TSPAN4: variants seen among roughly 807,000 people sequenced by gnomAD.
TSPAN4 encodes tetraspanin-4.
Under a neutral mutation model 31.5 loss-of-function variants are expected in TSPAN4, and 38 were observed. The observed-to-expected ratio is 1.21, with a 90% CI of 0.93 to 1.58. TSPAN4 has a LOEUF of 1.58. Ranked by LOEUF, TSPAN4 falls within the 40% of genes most tolerant of loss-of-function variation. The pLI is 0.00. For missense variants in TSPAN4, 330 were observed against 317.3 expected (o/e 1.04, Z -0.30); for synonymous variants, 186 against 144.6 (o/e 1.29, Z -2.06).
rs1847371722 is a variant in TSPAN4, at chr11:847,267, G to GCAC, written c.-49_-47dup. The GCAC allele has an allele frequency of 6.6e-6, 1 of 152,266 alleles. No homozygotes were observed. The highest frequency in any genetic ancestry group is 1.5e-5 in the Non-Finnish European group (1 of 68,062). 9.4% of individuals were successfully genotyped at this position (152,266 alleles called of 1,614,324 possible). A position where few individuals can be genotyped will look rare whatever the true frequency, so the allele number is the denominator to read the frequency against. ...ACTGGTCAGCCTTCAGGGACCCTGA[G>GCAC]CACCGCCTGGTCTCTTTCCTGTGGC... On this transcript the variant is annotated 5_prime_UTR_variant, in exon 2 of 9. Transcript: ENST00000397397.
rs760602661 is a variant in TSPAN4, at chr11:865,685, GC to G, written c.433-3del. The G allele has an allele frequency of 1.2e-6, 2 of 1,613,116 alleles. No individual in the cohort carries two copies. Among genetic ancestry groups the G allele is most frequent in the Non-Finnish European group, 8.5e-7 (1 of 1,179,872 alleles). ...TCCTGCCTCAGCCCGACCTGAGCTT[GC>G]CCCCCAGTTCCGCTGCTGTGGCGTC... is the stretch of plus-strand genomic sequence containing the variant. On this transcript the variant is annotated splice_polypyrimidine_tract_variant and splice_region_variant and intron_variant, in intron 6 of 8. Coordinates refer to ENST00000397397, the MANE Select transcript of TSPAN4 (RefSeq NM_003271.5).
In TSPAN4 at chr11:848,011, G is replaced by A. The variant is rs972648496; in HGVS notation, c.-18+711G>A. ...CTCCCAGTCAGCCTGGGGTCCTCCCGGGTCCCCGTGGCACCTGCCCTTGCC... is the reference window on the plus strand; with the variant it reads ...CTCCCAGTCAGCCTGGGGTCCTCCCAGGTCCCCGTGGCACCTGCCCTTGCC... On this transcript the variant is annotated intron_variant, in intron 2 of 8. Transcript: ENST00000397397. This position sits in a 1 kb window ranked among gnomAD's most constrained non-coding sequence, Gnocchi z 5.7. Among the ~76,000 whole-genome samples, 2 of 152,146 alleles carry A rather than the reference G, an allele frequency of 1.3e-5. No homozygotes were observed. Among genetic ancestry groups the A allele is most frequent in the African/African-American group, 2.4e-5 (1 of 41,428 alleles).
intron 3 of TSPAN4, among the ~76,000 whole-genome samples, chr11:856,548 C>T (rs918801897): frequency 1.3e-5 from 2 of 152,248 alleles, no homozygotes; most frequent in African/African-American, 4.8e-5. Flanking sequence ...GAGCTTGTGT[C>T]TGGCCTGCGG....
Position 865,686 on chromosome 11 carries a change from C to T in TSPAN4, c.433-8C>T, listed in dbSNP as rs772980318. ...CCTGCCTCAGCCCGACCTGAGCTTG[C>T]CCCCCAGTTCCGCTGCTGTGGCGTC... is the stretch of plus-strand genomic sequence containing the variant. On this transcript the variant is annotated splice_region_variant and splice_polypyrimidine_tract_variant and intron_variant, in intron 6 of 8. Coordinates refer to ENST00000397397, the MANE Select transcript of TSPAN4 (RefSeq NM_003271.5). 3 of 1,613,084 alleles carry T rather than the reference C, an allele frequency of 1.9e-6. No individual in the cohort carries two copies. Among genetic ancestry groups the T allele is most frequent in the South Asian group, 1.1e-5 (1 of 91,064 alleles).
At position 866,104 on chromosome 11, in the gene TSPAN4, G is replaced by A. The variant is rs568231528; in HGVS notation, c.648+103G>A. On this transcript the variant is annotated intron_variant, in intron 8 of 8. Coordinates refer to ENST00000397397, the MANE Select transcript of TSPAN4 (RefSeq NM_003271.5). ...ACCTTGCCCCCAGGAACCCACGATCGGGGGAGGCCGGGGCAAAAGCAGGAG... is the reference window on the plus strand; with the variant it reads ...ACCTTGCCCCCAGGAACCCACGATCAGGGGAGGCCGGGGCAAAAGCAGGAG... 1.6e-4 allele frequency: 200 copies of A among 1,252,308 alleles called. 1 individual carries two copies. The African/African-American group carries it at 2.3e-3, about 14-fold the overall frequency. The allele number at this position is 1,252,308 out of a possible 1,614,324, so 77.6% of individuals were successfully genotyped here.
At chr11:851,671 G>A (rs1426075594) in intron 3 of TSPAN4, among the ~76,000 whole-genome samples, 1 of 151,864 alleles carries the variant, frequency 6.6e-6, no homozygotes, top group Non-Finnish European at 1.5e-5. Context: ...CCTGAGGGGC[G>A]CCTTGGAGGT....
intron 3 of TSPAN4, among the ~76,000 whole-genome samples, chr11:854,574 A>G (rs1847943795): frequency 6.6e-6 from 1 of 152,148 alleles, no homozygotes; most frequent in Admixed American, 6.5e-5. Flanking sequence ...CCCAGCCTGG[A>G]GGGGCACGGG....
chr11:855,371 C>T lies in TSPAN4; in HGVS notation c.63+5004C>T, dbSNP rs558612884. On this transcript the variant is annotated intron_variant, in intron 3 of 8. Coordinates refer to ENST00000397397, the MANE Select transcript of TSPAN4 (RefSeq NM_003271.5). ...TGGTCCTGGCCTGATGACGGCAGGC[C>T]ACCTCCTTGCTGTTCCCACGCAGCC... Among the ~76,000 whole-genome samples, 121 of 152,340 alleles carry T rather than the reference C, an allele frequency of 7.9e-4. 1 individual carries two copies. The highest frequency in any genetic ancestry group is 3.1e-3 in the South Asian group (15 of 4,834).
intron 3 of TSPAN4, among the ~76,000 whole-genome samples, chr11:854,455 G>A (rs1459700533): frequency 6.6e-6 from 1 of 151,960 alleles, no homozygotes; most frequent in Non-Finnish European, 1.5e-5. Flanking sequence ...CCTGGCTCGG[G>A]GGTTGAATGG....
chr11:854,363 G>A (rs114434176), intron 3 of TSPAN4, among the ~76,000 whole-genome samples: 4 of 152,188 alleles, frequency 2.6e-5, no homozygotes, highest in East Asian at 1.9e-4. Context: ...GCGGGACGCC[G>A]GGCAGGTTCT....
intron 5 of TSPAN4, 157 bp from the exon 6 acceptor site, chr11:865,356 C>T (rs1848708620): frequency 8.0e-6 from 5 of 626,878 alleles, no homozygotes; most frequent in South Asian, 7.8e-5. Flanking sequence ...GCTGGGAGGA[C>T]ATGGGGCCGG....
At chr11:855,687 C>A (rs1848005926) in intron 3 of TSPAN4, among the ~76,000 whole-genome samples, 1 of 152,182 alleles carries the variant, frequency 6.6e-6, no homozygotes, top group Non-Finnish European at 1.5e-5. Flanking sequence ...CGCTCAGGGC[C>A]CACAGCTTTA....
At chr11:850,492 C>T (rs1399624226) in intron 3 of TSPAN4, 125 bp downstream of exon 3, 3 of 787,720 alleles carry the variant, frequency 3.8e-6, no homozygotes, top group African/African-American at 1.7e-5. Context: ...TGGGGATGGT[C>T]CCGGGAGGAC....
chr11:854,776 A>C (rs1009218051), intron 3 of TSPAN4, among the ~76,000 whole-genome samples: 2 of 152,150 alleles, frequency 1.3e-5, no homozygotes, highest in African/African-American at 2.4e-5. Context: ...CCCTGGGATG[A>C]GCTGAGACGA....
intron 2 of TSPAN4, among the ~76,000 whole-genome samples, chr11:849,200 C>T (rs776913609): frequency 3.3e-5 from 5 of 151,876 alleles, no homozygotes; most frequent in Non-Finnish European, 5.9e-5. Context: ...TGCCAGCCTC[C>T]TGCGGGGCTG....
intron 3 of TSPAN4, among the ~76,000 whole-genome samples, chr11:853,770 C>G (rs1847888016): frequency 6.6e-6 from 1 of 152,230 alleles, no homozygotes; most frequent in Non-Finnish European, 1.5e-5. Context: ...CCGGTGATGG[C>G]AGCTCCGCTG....
chr11:855,159 T>C (rs1847976538), intron 3 of TSPAN4, among the ~76,000 whole-genome samples: 1 of 152,060 alleles, frequency 6.6e-6, no homozygotes. Flanking sequence ...AGGTTCCAGG[T>C]CCCAGCTGGC....
chr11:855,678 G>A (rs769186447), intron 3 of TSPAN4, among the ~76,000 whole-genome samples: 4 of 152,178 alleles, frequency 2.6e-5, no homozygotes, highest in Admixed American at 1.3e-4. Flanking sequence ...ACAGGACGTC[G>A]CTCAGGGCCC....
At chr11:865,642 G>A (rs370026457) in intron 6 of TSPAN4, 28 bp downstream of exon 6, 15 of 1,612,212 alleles carry the variant, frequency 9.3e-6, no homozygotes, top group Admixed American at 1.7e-5. Flanking sequence ...GGGCGGGGTC[G>A]GCGGGTGCCC....
Sources: gnomAD v4.1 joint callset for allele counts (sites outside exome capture counted in the v4.1 genomes callset) on GRCh38, gnomAD v4.1.1 for gene constraint, Gnocchi (gnomAD v3.1) non-coding constraint, MANE v1.5 for transcripts, NCBI Gene and HGNC (gene_info 2026-07-23, HGNC 2026-07-21) for gene names.